THADA: variants seen among roughly 807,000 people sequenced by gnomAD.
THADA encodes tRNA (32-2'-O)-methyltransferase regulator THADA.
Under a neutral mutation model 219.8 loss-of-function variants are expected in THADA, and 213 were observed. The ratio of observed to expected loss-of-function variants is 0.97; its 90% CI spans 0.87 to 1.09. The LOEUF (loss-of-function observed/expected upper bound fraction) is 1.09. Ranked by LOEUF, THADA falls within the 50% of genes least tolerant of loss-of-function variation. The pLI is 0.00. For synonymous variants in THADA, 1,018 were observed against 828.9 expected, an observed-to-expected ratio of 1.23 and a Z score of -3.92; for missense variants, 2,956 against 2,311.3, an observed-to-expected ratio of 1.28 and a Z score of -5.72.
At position 43,280,170 on chromosome 2, in the gene THADA, A is replaced by G. The variant is rs1425548315; in HGVS notation, c.5165-274T>C. Reference sequence around the variant, plus strand: ...GCAAGGCCTCCAGAAGATGCTGCCCAGGTGACAAAGACCCTCTGCCCTGCT... The same window carrying G: ...GCAAGGCCTCCAGAAGATGCTGCCCGGGTGACAAAGACCCTCTGCCCTGCT... On this transcript the variant is annotated intron_variant, in intron 35 of 37. Coordinates refer to ENST00000405975, the MANE Select transcript of THADA (RefSeq NM_022065.5). Among the ~76,000 whole-genome samples, 58 of 152,326 alleles carry G rather than the reference A, an allele frequency of 3.8e-4. 1 individual carries two copies. The highest frequency in any genetic ancestry group is 1.5e-4 in the Non-Finnish European group (10 of 68,030).
intron 36 of THADA, among the ~76,000 whole-genome samples, chr2:43,272,589 G>A (rs1310441658): frequency 1.3e-5 from 2 of 151,534 alleles, no homozygotes; most frequent in East Asian, 3.9e-4. Flanking sequence ...GTAAGAGAAG[G>A]GGTCAGAAAA....
intron 30 of THADA, among the ~76,000 whole-genome samples, chr2:43,322,993 T>C (rs1037578459): frequency 6.6e-6 from 1 of 152,120 alleles, no homozygotes; most frequent in African/African-American, 2.4e-5. Flanking sequence ...GCTCTATTCT[T>C]TTATAAGCAT....
intron 24 of THADA, among the ~76,000 whole-genome samples, chr2:43,500,752 A>G (rs1230902227): frequency 3.3e-5 from 5 of 152,294 alleles, no homozygotes; most frequent in African/African-American, 1.2e-4. Context: ...TTTTGAAAAA[A>G]CTAAAAAATA....
At chr2:43,541,783 C>A (rs1033750795) in intron 20 of THADA, among the ~76,000 whole-genome samples, 1 of 152,100 alleles carries the variant, frequency 6.6e-6, no homozygotes, top group Non-Finnish European at 1.5e-5. Flanking sequence ...CATGAGCCAC[C>A]ATGCCAGGCC....
At chr2:43,322,223 T>A (rs1019769784) in intron 30 of THADA, among the ~76,000 whole-genome samples, 2 of 151,694 alleles carry the variant, frequency 1.3e-5, no homozygotes, top group African/African-American at 4.8e-5. Flanking sequence ...GTGCTGGTGG[T>A]CCAGGCATGG....
At chr2:43,279,655 C>G in intron 36 of THADA, 110 bp downstream of exon 36, 1 of 1,379,870 alleles carries the variant, frequency 7.2e-7, no homozygotes, top group Non-Finnish European at 9.5e-7. Context: ...AGTTGAGACA[C>G]AGACCAAATG....
chr2:43,507,587 G>A (rs1037947916), intron 23 of THADA, among the ~76,000 whole-genome samples: 3 of 152,118 alleles, frequency 2.0e-5, no homozygotes, highest in Non-Finnish European at 4.4e-5. Context: ...TGCAACTGAT[G>A]CCCACTGTCA....
At chr2:43,469,567 G>A (rs1300504952) in intron 26 of THADA, among the ~76,000 whole-genome samples, 3 of 152,032 alleles carry the variant, frequency 2.0e-5, no homozygotes, top group Non-Finnish European at 4.4e-5. Flanking sequence ...TGGTAAATTT[G>A]TAAACTGATA....
intron 25 of THADA, among the ~76,000 whole-genome samples, chr2:43,494,463 T>C (rs1348637653): frequency 1.3e-5 from 2 of 152,214 alleles, no homozygotes; most frequent in Non-Finnish European, 2.9e-5. Context: ...TGTACCTTCT[T>C]TGTATTCTTA....
At position 43,430,708 on chromosome 2, in the gene THADA, C is replaced by A. The variant is rs1213699635; in HGVS notation, c.3837-406G>T. 8.8e-6 allele frequency: 4 copies of A among 453,596 alleles called. No individual in the cohort carries two copies. In the East Asian group the frequency reaches 2.1e-4, roughly 24 times the overall value. The allele number at this position is 453,596 out of a possible 1,614,324, so 28.1% of individuals were successfully genotyped here. A position where few individuals can be genotyped will look rare whatever the true frequency, so the allele number is the denominator to read the frequency against. On this transcript the variant is annotated intron_variant, in intron 26 of 37. Coordinates refer to ENST00000405975, the MANE Select transcript of THADA (RefSeq NM_022065.5). ...GAACAAGCGTTCCCAACCCTGGCAC[C>A]AATGACAGTTTGGACCAAATAACTC...
rs1019162080 is a variant in THADA, at chr2:43,230,881, A to G, written c.*67T>C. 22 of 1,509,042 alleles carry G rather than the reference A, an allele frequency of 1.5e-5. No homozygotes were observed. The African/African-American group carries it at 2.9e-4, about 20-fold the overall frequency. The allele number at this position is 1,509,042 out of a possible 1,614,324, so 93.5% of individuals were successfully genotyped here. A position where few individuals can be genotyped will look rare whatever the true frequency, so the allele number is the denominator to read the frequency against. ...TAAAATTTTTGAATTTATGTTCAACATGTTTCCTGCAGATTTAGTGGAGGA... is the reference window on the plus strand; with the variant it reads ...TAAAATTTTTGAATTTATGTTCAACGTGTTTCCTGCAGATTTAGTGGAGGA... On this transcript the variant is annotated 3_prime_UTR_variant, in exon 38 of 38. Coordinates refer to ENST00000405975, the MANE Select transcript of THADA (RefSeq NM_022065.5).
At chr2:43,238,812 G>A (rs1423720258) in intron 36 of THADA, among the ~76,000 whole-genome samples, 1 of 152,214 alleles carries the variant, frequency 6.6e-6, no homozygotes, top group Non-Finnish European at 1.5e-5. Context: ...GGAGGTCTAG[G>A]TGGGAAGGTA....
intron 28 of THADA, among the ~76,000 whole-genome samples, chr2:43,401,435 C>T (rs1321031262): frequency 1.3e-5 from 2 of 152,094 alleles, no homozygotes; most frequent in Admixed American, 6.5e-5. Flanking sequence ...CCTGCCACCA[C>T]GCCCAGCTAA....
At chr2:43,577,798 C>T (rs368292804) in intron 9 of THADA, among the ~76,000 whole-genome samples, 1 of 151,734 alleles carries the variant, frequency 6.6e-6, no homozygotes, top group African/African-American at 2.4e-5. Context: ...CTGTCTAAAG[C>T]ACATGATTTG....
intron 26 of THADA, among the ~76,000 whole-genome samples, chr2:43,464,825 T>C (rs1048800009): frequency 5.3e-5 from 8 of 152,120 alleles, no homozygotes; most frequent in Non-Finnish European, 8.8e-5. Context: ...AGGACTGTAT[T>C]TTCAAACTAG....
At chr2:43,306,275 G>A (rs912330936) in intron 31 of THADA, among the ~76,000 whole-genome samples, 1 of 152,172 alleles carries the variant, frequency 6.6e-6, no homozygotes, top group Non-Finnish European at 1.5e-5. Flanking sequence ...GCCTCCCAAA[G>A]TGTTGGTACT....
In THADA at chr2:43,284,308, T is replaced by C. The variant is rs180980946; in HGVS notation, c.5164+2600A>G. 1.4e-3 allele frequency among the ~76,000 whole-genome samples: 209 copies of C among 152,244 alleles called. 1 individual carries two copies. The highest frequency in any genetic ancestry group is 4.8e-3 in the African/African-American group (201 of 41,552). Reference sequence around the variant, plus strand: ...GGCCTAGGAAGAAAAAATGGTTTCTTAGGCCAGGCCCAGGGCCCAGCTGCT... The same window carrying C: ...GGCCTAGGAAGAAAAAATGGTTTCTCAGGCCAGGCCCAGGGCCCAGCTGCT... On this transcript the variant is annotated intron_variant, in intron 35 of 37. Coordinates refer to ENST00000405975, the MANE Select transcript of THADA (RefSeq NM_022065.5).
chr2:43,581,999 AAAAT>A, intron 7 of THADA, 71 bp from the exon 8 acceptor site: 2 of 1,165,888 alleles, frequency 1.7e-6, no homozygotes, highest in Non-Finnish European at 2.3e-6. Context: ...AATTATCAGC[AAAAT>A]AAATACATTC....
intron 36 of THADA, among the ~76,000 whole-genome samples, chr2:43,241,114 C>T (rs537815492): frequency 1.1e-3 from 165 of 152,134 alleles, no homozygotes; most frequent in Non-Finnish European, 1.6e-3. Context: ...TTTTTTGAGA[C>T]AGGGTCTCAC....
Sources: allele counts gnomAD v4.1 joint callset (sites outside exome capture counted in the v4.1 genomes callset), GRCh38; gene constraint gnomAD v4.1.1; transcripts MANE v1.5; gene names NCBI Gene and HGNC (gene_info 2026-07-23, HGNC 2026-07-21).